Variants in ZNF705B observed in about 807,000 individuals in gnomAD.
ZNF705B encodes Putative zinc finger protein 705D-like protein LOC100132396.
Under a neutral mutation model 10.5 loss-of-function variants are expected in ZNF705B, and 1 was observed. The observed-to-expected ratio is 0.10, with a 90% CI of 0.03 to 0.45. ZNF705B has a LOEUF of 0.45. Among genes scored for constraint, ZNF705B ranks in the 20% least tolerant of loss-of-function variants. ZNF705B has a pLI of 0.97. For synonymous variants in ZNF705B, 4 were observed against 25.4 expected (o/e 0.16, Z 2.53); for missense variants, 14 against 84.0 (o/e 0.17, Z 3.26).
chr8:7,927,545 C>A (rs1178059210), intron 1 of ZNF705B, among the ~76,000 whole-genome samples: 1 of 119,304 alleles, frequency 8.4e-6, no homozygotes, highest in Non-Finnish European at 2.0e-5. Context: ...TAAAACACAA[C>A]TCTGCGTGGA....
At chr8:7,940,204 A>T (rs1264986537) in intron 2 of ZNF705B, among the ~76,000 whole-genome samples, 2 of 144,632 alleles carry the variant, frequency 1.4e-5, no homozygotes, top group South Asian at 2.3e-4. Context: ...AGAGAAAAAA[A>T]CAAGGGAACA....
chr8:7,937,718 G>A (rs1397598869), intron 2 of ZNF705B, among the ~76,000 whole-genome samples: 1 of 103,664 alleles, frequency 9.6e-6, no homozygotes, highest in Admixed American at 1.2e-4. Context: ...GTGTGCTACC[G>A]AGTTAATATG....
Position 7,932,225 on chromosome 8 carries a change from CT to C in ZNF705B, c.-72+1793del, listed in dbSNP as rs1474495198. ...GGACCACTGGGGCTCTCTTTTTTAC[CT>C]TTTCACCACACTGGAGAGCCTGTCC... is the stretch of plus-strand genomic sequence containing the variant. On this transcript the variant is annotated intron_variant, in intron 2 of 6. Coordinates refer to ENST00000400120, the MANE Select transcript of ZNF705B (RefSeq NM_001193630.1). Among the ~76,000 whole-genome samples, 7 of 121,092 alleles carry C rather than the reference CT, an allele frequency of 5.8e-5. 3 individuals are homozygous for C. The highest frequency in any genetic ancestry group is 1.9e-4 in the Admixed American group (2 of 10,648). The allele number at this position is 121,092 out of a possible 152,430, so 79.4% of individuals were successfully genotyped here.
At chr8:7,934,251 C>T (rs1185377949) in intron 2 of ZNF705B, among the ~76,000 whole-genome samples, 1 of 147,492 alleles carries the variant, frequency 6.8e-6, no homozygotes, top group African/African-American at 2.5e-5. Context: ...GTAATATAAA[C>T]TTTTAAAAGA....
rs1176895688 is a variant in ZNF705B at position 7,933,009 on chromosome 8, G to T, written c.-72+2573G>T. ...AAAGCTATCCACATCCTAACTCCTG[G>T]GTCCTGTGAATGTGCCACCTTGTAA... On this transcript the variant is annotated intron_variant, in intron 2 of 6. Coordinates refer to ENST00000400120, the MANE Select transcript of ZNF705B (RefSeq NM_001193630.1). Among the ~76,000 whole-genome samples, 4 of 117,304 alleles carry T rather than the reference G, an allele frequency of 3.4e-5. 1 individual carries two copies. The highest frequency in any genetic ancestry group is 8.1e-5 in the Non-Finnish European group (4 of 49,132). 77.0% of individuals were successfully genotyped at this position (117,304 alleles called of 152,430 possible).
chr8:7,934,717 TG>T, intron 2 of ZNF705B: 1 of 118,998 alleles, frequency 8.4e-6, no homozygotes, highest in Non-Finnish European at 1.5e-5. Flanking sequence ...TGTGTGTGTG[TG>T]TGTTATTTGA....
chr8:7,933,986 G>A (rs1349898670), intron 2 of ZNF705B, among the ~76,000 whole-genome samples: 19 of 129,496 alleles, frequency 1.5e-4, no homozygotes, highest in African/African-American at 4.8e-4. Flanking sequence ...TGTCACCCAG[G>A]CTGGAGTGCA....
In ZNF705B at chr8:7,927,217, C is replaced by T. The variant is rs1281950607; in HGVS notation, c.-222+820C>T. 2.5e-5 allele frequency among the ~76,000 whole-genome samples: 3 copies of T among 117,908 alleles called. 1 individual carries two copies. Among genetic ancestry groups the T allele is most frequent in the Admixed American group, 2.0e-4 (2 of 10,098 alleles). The allele number at this position is 117,908 out of a possible 152,430, so 77.4% of individuals were successfully genotyped here. A position where few individuals can be genotyped will look rare whatever the true frequency, so the allele number is the denominator to read the frequency against. On this transcript the variant is annotated intron_variant, in intron 1 of 6. Transcript: ENST00000400120. ...ATCTTTCTCCCACACCCAAAATGGC[C>T]AAAGTTTCCCTACCAGCCTCTAATT...
chr8:7,935,446 T>C (rs1180536415), intron 2 of ZNF705B, among the ~76,000 whole-genome samples: 15 of 138,654 alleles, frequency 1.1e-4, no homozygotes, highest in Admixed American at 8.9e-4. Flanking sequence ...AGTCTTTGTA[T>C]GTAACACAGA....
At chr8:7,928,045 A>G (rs960232738) in intron 1 of ZNF705B, among the ~76,000 whole-genome samples, 12 of 126,914 alleles carry the variant, frequency 9.5e-5, no homozygotes, top group Admixed American at 2.6e-4. Context: ...TATAAAGAGC[A>G]GAAGTTTACT....
intron 2 of ZNF705B, among the ~76,000 whole-genome samples, chr8:7,937,220 T>G (rs1820040758): frequency 8.4e-6 from 1 of 118,930 alleles, no homozygotes; most frequent in African/African-American, 2.6e-5. Context: ...ATTCTGAGCC[T>G]CATTCTATTT....
intron 2 of ZNF705B, among the ~76,000 whole-genome samples, chr8:7,940,358 A>T (rs1227260220): frequency 6.8e-6 from 1 of 146,938 alleles, no homozygotes; most frequent in African/African-American, 2.5e-5. Context: ...CACCATGAAC[A>T]CATCACTACC....
At chr8:7,937,259 C>G (rs1200497739) in intron 2 of ZNF705B, among the ~76,000 whole-genome samples, 1 of 117,438 alleles carries the variant, frequency 8.5e-6, no homozygotes, top group African/African-American at 2.6e-5. Context: ...CTGTGTCCTC[C>G]TCTCCTCTCT....
intron 2 of ZNF705B, among the ~76,000 whole-genome samples, chr8:7,940,965 T>A (rs1461189397): frequency 2.7e-5 from 4 of 148,812 alleles, no homozygotes. Context: ...GTGGGTTAGT[T>A]TGCTGAGAAT....
In ZNF705B at chr8:7,932,741, G is replaced by A. The variant is rs1819884227; in HGVS notation, c.-72+2305G>A. Among the ~76,000 whole-genome samples, 3 of 117,102 alleles carry A rather than the reference G, an allele frequency of 2.6e-5. 1 individual carries two copies. Among genetic ancestry groups the A allele is most frequent in the Non-Finnish European group, 6.1e-5 (3 of 48,990 alleles). 76.8% of individuals were successfully genotyped at this position (117,102 alleles called of 152,430 possible). On this transcript the variant is annotated intron_variant, in intron 2 of 6. Coordinates refer to ENST00000400120, the MANE Select transcript of ZNF705B (RefSeq NM_001193630.1). ...TGACATAACTTAACATTGTTTCTTG[G>A]CCAAATCAGGCATAGTGAAAAATAA...
At chr8:7,930,033 G>A (rs1819798747) in intron 1 of ZNF705B, among the ~76,000 whole-genome samples, 1 of 103,606 alleles carries the variant, frequency 9.7e-6, no homozygotes, top group African/African-American at 2.8e-5. Flanking sequence ...GCGCAGATTT[G>A]TTACATGGGA....
intron 1 of ZNF705B, among the ~76,000 whole-genome samples, chr8:7,927,728 G>C (rs1406250601): frequency 6.1e-5 from 9 of 146,384 alleles, no homozygotes; most frequent in African/African-American, 1.5e-4. Context: ...CAAAAGTTTT[G>C]AAACCAGGGT....
At chr8:7,930,958 C>T (rs1819830701) in intron 2 of ZNF705B, among the ~76,000 whole-genome samples, 1 of 126,880 alleles carries the variant, frequency 7.9e-6, no homozygotes, top group Non-Finnish European at 1.9e-5. Context: ...TGGGCTCAAG[C>T]AATTCTCCTG....
intron 5 of ZNF705B, among the ~76,000 whole-genome samples, chr8:7,950,443 ATCT>A (rs544457900): frequency 0.011 from 237 of 21,304 alleles, 7 homozygotes; most frequent in African/African-American, 0.016. Context: ...CTTGCCTGAT[ATCT>A]CATCTCCATT....
Sources: allele counts gnomAD v4.1 joint callset (sites outside exome capture counted in the v4.1 genomes callset), GRCh38; gene constraint gnomAD v4.1.1; transcripts MANE v1.5; gene names NCBI Gene and HGNC (gene_info 2026-07-23, HGNC 2026-07-21).